Variants in PTK2 observed in about 807,000 individuals in gnomAD.
PTK2 encodes the protein protein tyrosine kinase 2, also known as focal adhesion kinase 1.
In PTK2, 45 loss-of-function variants were observed where a neutral mutation model predicts 150.1. The observed-to-expected ratio is 0.30, with a 90% CI of 0.24 to 0.38. The LOEUF (loss-of-function observed/expected upper bound fraction) is 0.38. PTK2 is among the 10% of genes least tolerant of loss of function. PTK2 has a pLI of 1.00. For synonymous variants in PTK2, 432 were observed against 449.2 expected (o/e 0.96, Z 0.48); for missense variants, 919 against 1,307.3 (o/e 0.70, Z 4.58).
chr8:140,716,619 C>G (rs942062777), intron 23 of PTK2, among the ~76,000 whole-genome samples: 1 of 151,974 alleles, frequency 6.6e-6, no homozygotes. Context: ...AAAATGATGA[C>G]CAAGAAAGTA....
rs564886463 is a variant in PTK2 at position 140,666,574 on chromosome 8, A to C, written c.2866-1577T>G. The stretch of plus-strand genomic sequence containing the variant: ...TCCATTAGGATGACAATTATTTTTT[A>C]AAACACACACACAAAACCCCAAGCT... On this transcript the variant is annotated intron_variant, in intron 30 of 31. Coordinates refer to ENST00000522684, the Ensembl canonical transcript of PTK2. Among the ~76,000 whole-genome samples, 3 of 152,324 alleles carry C rather than the reference A, an allele frequency of 2.0e-5. No homozygotes were observed. The South Asian group carries it at 6.2e-4, about 32-fold the overall frequency.
At position 140,790,208 on chromosome 8, in the gene PTK2, TG is replaced by T. The variant is rs2100087656; in HGVS notation, c.1125-683del. On this transcript the variant is annotated intron_variant, in intron 13 of 31. Transcript: ENST00000522684. ...ACAGTCTTTAGATGTCAAAGTTACC[TG>T]ATCTTTTTATAAGAGAAAACCTTTT... 1.8e-4 allele frequency among the ~76,000 whole-genome samples: 28 copies of T among 152,326 alleles called. No homozygotes were observed. The South Asian group carries it at 5.8e-3, about 32-fold the overall frequency.
At chr8:140,836,926 T>C (rs1036262211) in intron 7 of PTK2, among the ~76,000 whole-genome samples, 3 of 152,228 alleles carry the variant, frequency 2.0e-5, no homozygotes, top group Admixed American at 2.0e-4. Context: ...AGATGGTTCA[T>C]TTAAAATAAT....
At chr8:140,761,285 C>A (rs1166366068) in intron 15 of PTK2, 23 bp from the exon 19 acceptor site, 1 of 1,507,780 alleles carries the variant, frequency 6.6e-7, no homozygotes, top group Admixed American at 1.7e-5. Context: ...ATTCACACAT[C>A]AATACTTAAG....
intron 5 of PTK2, among the ~76,000 whole-genome samples, chr8:140,849,116 G>A (rs2100127499): frequency 6.6e-6 from 1 of 152,116 alleles, no homozygotes; most frequent in Non-Finnish European, 1.5e-5. Context: ...TTTTCCTATA[G>A]CTTTAATCTC....
intron 2 of PTK2, among the ~76,000 whole-genome samples, chr8:140,918,861 C>A (rs1191056030): frequency 6.6e-6 from 1 of 152,206 alleles, no homozygotes; most frequent in Non-Finnish European, 1.5e-5. Flanking sequence ...TCTTTATCTA[C>A]AAGTTGTAAC....
chr8:140,906,198 T>TA (rs2100160812), intron 2 of PTK2, among the ~76,000 whole-genome samples: 1 of 151,964 alleles, frequency 6.6e-6, no homozygotes, highest in Non-Finnish European at 1.5e-5. Flanking sequence ...ATACCTATTA[T>TA]AAAAAAGACA....
chr8:140,714,642 C>T (rs900936629), intron 23 of PTK2, among the ~76,000 whole-genome samples: 7 of 151,154 alleles, frequency 4.6e-5, no homozygotes, highest in Non-Finnish European at 8.9e-5. Context: ...ACTAAAAATA[C>T]AAAAATTAGC....
intron 10 of PTK2, among the ~76,000 whole-genome samples, chr8:140,808,538 A>T (rs1385855474): frequency 6.6e-6 from 1 of 152,164 alleles, no homozygotes. Context: ...CATAAAGAAG[A>T]TCTTAACAAC....
chr8:140,760,213 TC>T (rs778766969), intron 16 of PTK2, among the ~76,000 whole-genome samples: 1 of 152,072 alleles, frequency 6.6e-6, no homozygotes, highest in African/African-American at 2.4e-5. Context: ...AGAGCAAGAC[TC>T]CGTCTCACCA....
intron 17 of PTK2, chr8:140,751,902 C>T (rs766306833): frequency 3.7e-6 from 2 of 533,846 alleles, no homozygotes; most frequent in Non-Finnish European, 7.4e-6. Flanking sequence ...GTCATGCTCA[C>T]CTCTGCATTC....
intron 1 of PTK2, chr8:140,954,747 C>CAGA (rs2100180668): frequency 1.3e-5 from 2 of 152,160 alleles, no homozygotes; most frequent in Non-Finnish European, 2.9e-5. Context: ...ACTCACAGTT[C>CAGA]AGAAGCCCAC....
At position 140,910,337 on chromosome 8, in the gene PTK2, T is replaced by C. The variant is rs555885915; in HGVS notation, c.-33+15324A>G. On this transcript the variant is annotated intron_variant, in intron 2 of 31. Transcript: ENST00000522684. ...TTTTCCCTTGCCTTTTTTTTTAATA[T>C]GAAAGACTACACACATCTCTCAATA... 3.7e-4 allele frequency among the ~76,000 whole-genome samples: 57 copies of C among 152,254 alleles called. 1 individual carries two copies. The South Asian group carries it at 0.011, about 30-fold the overall frequency.
At chr8:140,955,959 G>C (rs1297432938) in intron 1 of PTK2, among the ~76,000 whole-genome samples, 1 of 152,154 alleles carries the variant, frequency 6.6e-6, no homozygotes, top group Non-Finnish European at 1.5e-5. Flanking sequence ...GGGCTCTCTG[G>C]AAAAGGAGAG....
rs181801731 is a variant in PTK2 at position 140,770,190 on chromosome 8, A to T, written c.1178-5900T>A. On this transcript the variant is annotated intron_variant, in intron 14 of 31. Coordinates refer to ENST00000522684, the Ensembl canonical transcript of PTK2. ...TTGCACAGAATAAATTTTGTTTTGA[A>T]TAGTCTGGAGAAATTACTGTTTCAA... is the stretch of plus-strand genomic sequence containing the variant. Among the ~76,000 whole-genome samples, 13 of 152,314 alleles carry T rather than the reference A, an allele frequency of 8.5e-5. No homozygotes were observed. The East Asian group carries it at 2.5e-3, about 29-fold the overall frequency.
intron 1 of PTK2, among the ~76,000 whole-genome samples, chr8:140,942,958 A>ACT (rs151101812): frequency 0.012 from 1,803 of 151,440 alleles, 35 homozygotes; most frequent in East Asian, 0.095. Context: ...GGCACCTCCC[A>ACT]CTCTCTCTCT....
chr8:140,757,636 A>C (rs1375669765), intron 16 of PTK2, among the ~76,000 whole-genome samples: 1 of 152,214 alleles, frequency 6.6e-6, no homozygotes, highest in Non-Finnish European at 1.5e-5. Context: ...TGAAGAAAAA[A>C]ATGGTCATTT....
chr8:140,935,599 A>G (rs1359359481), intron 1 of PTK2, among the ~76,000 whole-genome samples: 1 of 152,166 alleles, frequency 6.6e-6, no homozygotes, highest in Non-Finnish European at 1.5e-5. Context: ...CTGGCTTGCA[A>G]AGACCTCTAT....
chr8:140,770,517 G>T (rs1284661763), intron 14 of PTK2, among the ~76,000 whole-genome samples, 199 bp downstream of exon 15: 1 of 152,204 alleles, frequency 6.6e-6, no homozygotes, highest in East Asian at 1.9e-4. Context: ...TTGTATTCAA[G>T]AGAGTAACCC....
Sources: gnomAD v4.1 joint callset for allele counts (sites outside exome capture counted in the v4.1 genomes callset) on GRCh38, gnomAD v4.1.1 for gene constraint, MANE v1.5 for transcripts, NCBI Gene and HGNC (gene_info 2026-07-23, HGNC 2026-07-21) for gene names.